Variants in GOT2 observed in about 807,000 individuals in gnomAD.
GOT2 encodes glutamic-oxaloacetic transaminase 2.
A neutral mutation model predicts 50.0 loss-of-function variants in GOT2; 17 were observed. That is an observed-to-expected ratio of 0.34 (90% CI 0.23 to 0.51). The LOEUF (loss-of-function observed/expected upper bound fraction) is 0.51, where lower values mean the gene tolerates loss of function less well. Ranked by LOEUF, GOT2 falls within the 20% of genes least tolerant of loss-of-function variation. GOT2 has a pLI of 0.97. For missense variants in GOT2, 430 were observed against 559.6 expected (o/e 0.77, Z 2.34); for synonymous variants, 172 against 204.9 (o/e 0.84, Z 1.37).
chr16:58,716,559 GACACACAC>G (rs3075037), intron 7 of GOT2, 96 bp downstream of exon 7: 1,302 of 718,304 alleles, frequency 1.8e-3, no homozygotes, highest in South Asian at 2.4e-3. Context: ...GACATGGATG[GACACACAC>G]ACACACACAC....
intron 4 of GOT2, 127 bp downstream of exon 4, chr16:58,719,069 A>G: frequency 1.4e-6 from 1 of 736,108 alleles, no homozygotes; most frequent in South Asian, 1.5e-5. Flanking sequence ...TTTCATGAGA[A>G]TAGGACATCT....
At chr16:58,709,764 A>C (rs1335999800) in intron 8 of GOT2, among the ~76,000 whole-genome samples, 197 bp from the exon 9 acceptor site, 1 of 152,246 alleles carries the variant, frequency 6.6e-6, no homozygotes, top group Non-Finnish European at 1.5e-5. Flanking sequence ...CACTATTTCC[A>C]TAAGGCAACT....
chr16:58,726,248 C>T (rs2044782386), intron 1 of GOT2, among the ~76,000 whole-genome samples: 1 of 152,088 alleles, frequency 6.6e-6, no homozygotes, highest in South Asian at 2.1e-4. Context: ...TGCAATGGTG[C>T]GATCTCGGCT....
intron 8 of GOT2, among the ~76,000 whole-genome samples, chr16:58,711,718 C>CAA (rs2044650404): frequency 1.3e-5 from 2 of 152,300 alleles, no homozygotes; most frequent in African/African-American, 4.8e-5. Context: ...CCTGGCCCCT[C>CAA]CAGTTATGGC....
chr16:58,715,212 G>A (rs2044681821), intron 8 of GOT2, among the ~76,000 whole-genome samples: 1 of 151,860 alleles, frequency 6.6e-6, no homozygotes, highest in Admixed American at 6.6e-5. Context: ...GCAAAAATAC[G>A]GATTCAATGC....
In GOT2 at chr16:58,711,396, C is replaced by T. The variant is rs574598015; in HGVS notation, c.1020-1829G>A. Among the ~76,000 whole-genome samples, 48 of 152,320 alleles carry T rather than the reference C, an allele frequency of 3.2e-4. 1 individual carries two copies. In the South Asian group the frequency reaches 8.3e-3, roughly 26 times the overall value. The stretch of plus-strand genomic sequence containing the variant: ...CCTTCCTCAGAATCTACCCTTTCCA[C>T]TCCATTCCCATGGCTCTGGGACATT... On this transcript the variant is annotated intron_variant, in intron 8 of 9. Transcript: ENST00000245206.
chr16:58,720,522 G>A (rs2044732866), intron 3 of GOT2, among the ~76,000 whole-genome samples: 2 of 151,600 alleles, frequency 1.3e-5, no homozygotes, highest in Admixed American at 6.6e-5. Context: ...TTGGCATGAT[G>A]GAAATAAAAA....
intron 3 of GOT2, among the ~76,000 whole-genome samples, chr16:58,720,778 G>T (rs902097848): frequency 6.6e-6 from 1 of 151,882 alleles, no homozygotes; most frequent in Non-Finnish European, 1.5e-5. Flanking sequence ...GGGGGGGCGG[G>T]TCTCACCATA....
chr16:58,707,874 T>C lies in GOT2; in HGVS notation c.*297A>G, dbSNP rs1475770597. 4.5e-6 allele frequency: 1 copy of C among 221,938 alleles called. No individual in the cohort carries two copies. The highest frequency in any genetic ancestry group is 2.3e-5 in the African/African-American group (1 of 43,698). 13.7% of individuals were successfully genotyped at this position (221,938 alleles called of 1,614,324 possible). A position where few individuals can be genotyped will look rare whatever the true frequency, so the allele number is the denominator to read the frequency against. On this transcript the variant is annotated 3_prime_UTR_variant, in exon 10 of 10. Coordinates refer to ENST00000245206, the MANE Select transcript of GOT2 (RefSeq NM_002080.4). ...CTTCTGAAATATTGCAATGGCATAA[T>C]TGACAGGTTTTTTGGTGCGATGACT... is the stretch of plus-strand genomic sequence containing the variant.
At chr16:58,710,898 GC>G (rs1396229261) in intron 8 of GOT2, among the ~76,000 whole-genome samples, 3 of 149,298 alleles carry the variant, frequency 2.0e-5, no homozygotes, top group Non-Finnish European at 4.4e-5. Flanking sequence ...AACCCAGAAG[GC>G]AGAGCTTGCA....
At chr16:58,725,336 A>G (rs984135670) in intron 1 of GOT2, among the ~76,000 whole-genome samples, 4 of 151,930 alleles carry the variant, frequency 2.6e-5, no homozygotes, top group East Asian at 1.9e-4. Flanking sequence ...GCTGGTCTTG[A>G]ACTCCTGACC....
intron 1 of GOT2, among the ~76,000 whole-genome samples, chr16:58,724,291 T>C (rs1252991075): frequency 2.0e-5 from 3 of 150,814 alleles, no homozygotes; most frequent in African/African-American, 7.3e-5. Context: ...CAAACTTTTT[T>C]TTTTTTTTTG....
intron 1 of GOT2, among the ~76,000 whole-genome samples, chr16:58,732,754 C>G (rs1188647408): frequency 1.3e-5 from 2 of 152,176 alleles, no homozygotes; most frequent in Non-Finnish European, 2.9e-5. Flanking sequence ...GGTGATCTAG[C>G]CAAATCCATA....
intron 1 of GOT2, among the ~76,000 whole-genome samples, chr16:58,729,412 A>G (rs2044814064): frequency 6.6e-6 from 1 of 150,442 alleles, no homozygotes; most frequent in South Asian, 2.1e-4. Context: ...CTGTAGTCCC[A>G]GCTACTCAGG....
At chr16:58,711,515 C>T (rs1434753545) in intron 8 of GOT2, among the ~76,000 whole-genome samples, 1 of 152,170 alleles carries the variant, frequency 6.6e-6, no homozygotes, top group Admixed American at 6.6e-5. Context: ...TGATGTTATG[C>T]ACGGTTAGAA....
Position 58,708,235 on chromosome 16 carries a change from A to G in GOT2, c.1229T>C (p.Val410Ala). ...CACGTTGCTGGAGGTGACCCCTGCCACAGAGATGCGGCCATCTTTTGTCAT... is the reference window on the plus strand; with the variant it reads ...CACGTTGCTGGAGGTGACCCCTGCCGCAGAGATGCGGCCATCTTTTGTCAT... ...IYMTKDGRIS[V>A]AGVTSSNVGY... The change falls in exon 10 of 10, where the codon GTG (valine) becomes GCG (alanine). Residue 410 changes from valine to alanine, a missense_variant. By Grantham distance (64) the Val-to-Ala change is moderately conservative (BLOSUM62 0). Transcript: ENST00000245206. 6.2e-7 allele frequency: 1 copy of G among 1,614,020 alleles called. No homozygotes were observed. The highest frequency in any genetic ancestry group is 1.1e-5 in the South Asian group (1 of 91,078).
In GOT2 at chr16:58,715,972, G is replaced by GT. The variant is rs745626888; in HGVS notation, c.1019+41dup. The GT allele has an allele frequency of 1.5e-5, 22 of 1,511,790 alleles. No homozygotes were observed. In the South Asian group the frequency reaches 2.4e-4, roughly 17 times the overall value. 93.6% of individuals were successfully genotyped at this position (1,511,790 alleles called of 1,614,324 possible). A position where few individuals can be genotyped will look rare whatever the true frequency, so the allele number is the denominator to read the frequency against. On this transcript the variant is annotated intron_variant, in intron 8 of 9. Coordinates refer to ENST00000245206, the MANE Select transcript of GOT2 (RefSeq NM_002080.4). ...AAAAACTAACTTTGAAGGAGCAGTG[G>GT]TGGGAACAGGTAGGTGGCTGGGGAG...
chr16:58,709,354 T>G (rs531376844), intron 9 of GOT2, 63 bp downstream of exon 9: 6 of 1,265,694 alleles, frequency 4.7e-6, no homozygotes, highest in African/African-American at 4.5e-5. Flanking sequence ...GAAAAAAAAG[T>G]AATCCTTCGG....
chr16:58,719,170 T>C (rs753206615), intron 4 of GOT2, 26 bp downstream of exon 4: 3 of 1,556,400 alleles, frequency 1.9e-6, no homozygotes, highest in East Asian at 4.5e-5. Context: ...TTTATAATTC[T>C]TTCCTGAAGA....
Sources: gnomAD v4.1 joint callset for allele counts (sites outside exome capture counted in the v4.1 genomes callset) on GRCh38, gnomAD v4.1.1 for gene constraint, MANE v1.5 for transcripts, NCBI Gene and HGNC (gene_info 2026-07-23, HGNC 2026-07-21) for gene names.